The following HCRTR2 variants were observed in gnomAD, a reference collection of about 807,000 sequenced individuals.
HCRTR2 encodes the protein hypocretin receptor 2.
A neutral mutation model predicts 49.0 loss-of-function variants in HCRTR2; 22 were observed. That is an observed-to-expected ratio of 0.45 (90% CI 0.32 to 0.64). The LOEUF is 0.64. HCRTR2 is among the 30% of genes least tolerant of loss of function. HCRTR2 has a pLI of 0.04. For synonymous variants in HCRTR2, 236 were observed against 205.3 expected (o/e 1.15, Z -1.28); for missense variants, 491 against 559.4 (o/e 0.88, Z 1.23).
chr6:55,185,423 T>C (rs1460840754), intron 1 of HCRTR2, among the ~76,000 whole-genome samples: 1 of 152,166 alleles, frequency 6.6e-6, no homozygotes, highest in African/African-American at 2.4e-5. Context: ...TAATGAACTT[T>C]ATAACTTGTC....
chr6:55,222,260 TTACACCTGG>T lies in HCRTR2; in HGVS notation c.224-26376_224-26368del, dbSNP rs535048276. 9.9e-5 allele frequency among the ~76,000 whole-genome samples: 15 copies of T among 151,366 alleles called. No homozygotes were observed. In the East Asian group the frequency reaches 2.7e-3, roughly 28 times the overall value. ...AAACCAAACCACATGAGCTATCATC[TTACACCTGG>T]TAGGATGACCATTATGAAACAAAAG... On this transcript the variant is annotated intron_variant, in intron 1 of 6. Coordinates refer to ENST00000370862, the MANE Select transcript of HCRTR2 (RefSeq NM_001384272.1).
At chr6:55,164,033 T>C (rs1241959874) in intron 1 of HCRTR2, among the ~76,000 whole-genome samples, 2 of 152,110 alleles carry the variant, frequency 1.3e-5, no homozygotes, top group Non-Finnish European at 2.9e-5. Context: ...AAGCTTATCA[T>C]CACTGGTCAT....
intron 1 of HCRTR2, among the ~76,000 whole-genome samples, chr6:55,117,593 CAT>C (rs1026002253): frequency 6.6e-6 from 1 of 151,464 alleles, no homozygotes; most frequent in African/African-American, 2.4e-5. Context: ...TATGTTGAAA[CAT>C]ATAATAAATT....
At chr6:55,120,200 A>G (rs1427120562) in intron 1 of HCRTR2, among the ~76,000 whole-genome samples, 1 of 152,122 alleles carries the variant, frequency 6.6e-6, no homozygotes, top group Non-Finnish European at 1.5e-5. Flanking sequence ...GAAGTCAAGT[A>G]GCATGATGCC....
At chr6:55,127,567 A>G (rs1764299045) in intron 1 of HCRTR2, among the ~76,000 whole-genome samples, 1 of 151,940 alleles carries the variant, frequency 6.6e-6, no homozygotes, top group Non-Finnish European at 1.5e-5. Flanking sequence ...TTTGTGATTG[A>G]TCTGTGAGGT....
intron 1 of HCRTR2, among the ~76,000 whole-genome samples, chr6:55,109,201 C>T (rs1310527155): frequency 6.6e-6 from 1 of 152,098 alleles, no homozygotes; most frequent in South Asian, 2.1e-4. Flanking sequence ...GGGAGAGCAC[C>T]ACATCAAATA....
intron 1 of HCRTR2, among the ~76,000 whole-genome samples, chr6:55,177,406 T>C (rs1229154668): frequency 6.6e-6 from 1 of 152,208 alleles, no homozygotes; most frequent in East Asian, 1.9e-4. Flanking sequence ...TTGATGTCAC[T>C]GTCAAATTTG....
At chr6:55,279,265 C>A (rs904539003) in intron 5 of HCRTR2, among the ~76,000 whole-genome samples, 4 of 151,864 alleles carry the variant, frequency 2.6e-5, no homozygotes, top group Non-Finnish European at 5.9e-5. Context: ...CCACAAAAAC[C>A]ATTCCTAGCT....
At chr6:55,133,137 A>C (rs1052089529) in intron 1 of HCRTR2, among the ~76,000 whole-genome samples, 18 of 151,892 alleles carry the variant, frequency 1.2e-4, no homozygotes, top group South Asian at 4.1e-4. Context: ...GTTGAATACA[A>C]AATCAAATTA....
At chr6:55,197,413 GAAGTCA>G (rs1278936440) in intron 1 of HCRTR2, among the ~76,000 whole-genome samples, 1 of 151,936 alleles carries the variant, frequency 6.6e-6, no homozygotes, top group Non-Finnish European at 1.5e-5. Context: ...ACTCTAACTC[GAAGTCA>G]AAAACTTAAC....
chr6:55,214,633 G>A (rs1413267963), intron 1 of HCRTR2, among the ~76,000 whole-genome samples: 2 of 151,892 alleles, frequency 1.3e-5, no homozygotes, highest in Non-Finnish European at 2.9e-5. Context: ...GAGCCACCAT[G>A]CCTGACCTGT....
At chr6:55,256,112 C>G (rs1000845905) in intron 3 of HCRTR2, among the ~76,000 whole-genome samples, 2 of 151,988 alleles carry the variant, frequency 1.3e-5, no homozygotes, top group Admixed American at 6.6e-5. Context: ...ACACCTGGTG[C>G]TAGCACAAAT....
chr6:55,191,207 G>A (rs3006852), intron 1 of HCRTR2, among the ~76,000 whole-genome samples: 46 of 152,248 alleles, frequency 3.0e-4, no homozygotes, highest in African/African-American at 6.5e-4. Context: ...TTATTAGTGC[G>A]TACATTGGTG....
chr6:55,233,556 G>A (rs1018475701), intron 1 of HCRTR2, among the ~76,000 whole-genome samples: 1 of 152,150 alleles, frequency 6.6e-6, no homozygotes, highest in African/African-American at 2.4e-5. Context: ...CACTAGCCAG[G>A]CATGGTGGTG....
chr6:55,157,767 C>G (rs942037787), intron 1 of HCRTR2, among the ~76,000 whole-genome samples: 1 of 152,174 alleles, frequency 6.6e-6, no homozygotes, highest in Non-Finnish European at 1.5e-5. Flanking sequence ...CAGATCTTAT[C>G]CAAGACCTCT....
chr6:55,133,354 A>T (rs6901632), intron 1 of HCRTR2, among the ~76,000 whole-genome samples: 3,734 of 149,108 alleles, frequency 0.025, 63 homozygotes, highest in East Asian at 0.057. Context: ...TATGTGTGTG[A>T]GAGAGAGATC....
intron 1 of HCRTR2, among the ~76,000 whole-genome samples, chr6:55,211,827 C>T (rs1765700970): frequency 6.6e-6 from 1 of 152,088 alleles, no homozygotes; most frequent in Non-Finnish European, 1.5e-5. Flanking sequence ...TCCCAAGGTA[C>T]TGGGATATGT....
At chr6:55,128,727 T>C (rs1171246384) in intron 1 of HCRTR2, among the ~76,000 whole-genome samples, 5 of 152,176 alleles carry the variant, frequency 3.3e-5, no homozygotes, top group Non-Finnish European at 7.4e-5. Context: ...TAGTTTAGTT[T>C]TAAAAAAGAT....
At chr6:55,281,547 A>G (rs1767190934) in intron 6 of HCRTR2, among the ~76,000 whole-genome samples, 1 of 152,160 alleles carries the variant, frequency 6.6e-6, no homozygotes. Flanking sequence ...ATCACTGATA[A>G]CTCAGTGCGT....
Sources: gnomAD v4.1 joint callset for allele counts (sites outside exome capture counted in the v4.1 genomes callset) on GRCh38, gnomAD v4.1.1 for gene constraint, MANE v1.5 for transcripts, NCBI Gene and HGNC (gene_info 2026-07-23, HGNC 2026-07-21) for gene names.